The following CTNNA2 variants were observed in gnomAD, a reference collection of about 807,000 sequenced individuals.
CTNNA2 encodes the protein catenin alpha 2, also known as catenin alpha-2.
CTNNA2 carries 42 observed loss-of-function variants against 101.0 expected under a neutral mutation model. The observed-to-expected ratio is 0.42, with a 90% CI of 0.32 to 0.54. CTNNA2 has a LOEUF of 0.54. Among genes scored for constraint, CTNNA2 ranks in the 20% least tolerant of loss-of-function variants. The pLI, the probability that CTNNA2 is intolerant of heterozygous loss-of-function variation, is 0.14. For synonymous variants in CTNNA2, 450 were observed against 456.4 expected (o/e 0.99, Z 0.18); for missense variants, 871 against 1,223.1 (o/e 0.71, Z 4.29).
intron 3 of CTNNA2, among the ~76,000 whole-genome samples, chr2:79,750,582 G>A (rs1671957418): frequency 6.6e-6 from 1 of 152,204 alleles, no homozygotes; most frequent in African/African-American, 2.4e-5. Flanking sequence ...GTAGGTAAGG[G>A]CCGGGCGTGG....
chr2:79,786,739 C>T (rs755159654), intron 3 of CTNNA2, among the ~76,000 whole-genome samples: 5 of 152,222 alleles, frequency 3.3e-5, no homozygotes, highest in East Asian at 3.9e-4. Context: ...GCAACAATTT[C>T]TTATAAGTAC....
rs193149269 is a variant in CTNNA2 at position 80,466,655 on chromosome 2, A to G, written c.1290+47054A>G. 1.2e-3 allele frequency among the ~76,000 whole-genome samples: 185 copies of G among 152,350 alleles called. 1 individual carries two copies. The highest frequency in any genetic ancestry group is 4.3e-3 in the African/African-American group (178 of 41,586). ...ATTTGCAATGTTCACAAACAGATGGAAAAACTACATTTGATTGATACATGA... is the reference window on the plus strand; with the variant it reads ...ATTTGCAATGTTCACAAACAGATGGGAAAACTACATTTGATTGATACATGA... On this transcript the variant is annotated intron_variant, in intron 9 of 18. Transcript: ENST00000402739.
intron 2 of CTNNA2, among the ~76,000 whole-genome samples, chr2:79,260,226 A>C (rs764553499): frequency 2.6e-5 from 4 of 152,124 alleles, no homozygotes; most frequent in Non-Finnish European, 5.9e-5. Context: ...CCTCATTACT[A>C]TCAGCTCAAG....
At chr2:79,259,966 A>G (rs1674899055) in intron 2 of CTNNA2, among the ~76,000 whole-genome samples, 1 of 152,188 alleles carries the variant, frequency 6.6e-6, no homozygotes, top group Non-Finnish European at 1.5e-5. Context: ...CCAAAATGAG[A>G]AAGTAAAGAT....
intron 1 of CTNNA2, among the ~76,000 whole-genome samples, chr2:79,533,459 A>G (rs906263347): frequency 6.6e-6 from 1 of 152,168 alleles, no homozygotes; most frequent in Non-Finnish European, 1.5e-5. Context: ...TATCAATTTT[A>G]CAGTATCTAA....
chr2:79,807,281 C>G (rs1676652519), intron 3 of CTNNA2, among the ~76,000 whole-genome samples: 1 of 152,030 alleles, frequency 6.6e-6, no homozygotes, highest in South Asian at 2.1e-4. Context: ...CCTTGTTTCC[C>G]AAAAAGACAA....
At chr2:79,742,627 G>T (rs1457892698) in intron 2 of CTNNA2, among the ~76,000 whole-genome samples, 1 of 152,162 alleles carries the variant, frequency 6.6e-6, no homozygotes, top group Non-Finnish European at 1.5e-5. Flanking sequence ...AGCAATCTTT[G>T]TGACAAGCTG....
At chr2:80,174,075 A>G (rs144752988) in intron 7 of CTNNA2, among the ~76,000 whole-genome samples, 1 of 152,172 alleles carries the variant, frequency 6.6e-6, no homozygotes, top group Non-Finnish European at 1.5e-5. Context: ...TGAGTGGCAC[A>G]TGCACTGTGC....
intron 13 of CTNNA2, among the ~76,000 whole-genome samples, chr2:80,576,874 G>A (rs1157248257): frequency 3.3e-5 from 5 of 151,918 alleles, no homozygotes; most frequent in African/African-American, 1.2e-4. Context: ...GCTGTGGGAG[G>A]AGAATTGCTT....
At chr2:79,687,266 C>A (rs1290960633) in intron 2 of CTNNA2, among the ~76,000 whole-genome samples, 1 of 152,014 alleles carries the variant, frequency 6.6e-6, no homozygotes, top group East Asian at 1.9e-4. Context: ...TAAATTTTAG[C>A]TTAATTCTGA....
intron 7 of CTNNA2, among the ~76,000 whole-genome samples, chr2:80,149,806 A>T (rs1174806384): frequency 6.7e-6 from 1 of 148,768 alleles, no homozygotes; most frequent in African/African-American, 2.6e-5. Flanking sequence ...ACACACACAC[A>T]CACACACACA....
intron 3 of CTNNA2, among the ~76,000 whole-genome samples, chr2:79,779,185 G>A (rs1294254103): frequency 6.6e-6 from 1 of 151,726 alleles, no homozygotes; most frequent in Non-Finnish European, 1.5e-5. Flanking sequence ...CTTTTTAATG[G>A]GGAAAAAATA....
intron 7 of CTNNA2, among the ~76,000 whole-genome samples, chr2:79,975,039 C>T (rs1052683294): frequency 2.0e-5 from 3 of 152,262 alleles, no homozygotes; most frequent in East Asian, 3.9e-4. Context: ...GCTTGGAACA[C>T]GGTGAATGAG....
chr2:79,233,381 T>G (rs1674519603), intron 2 of CTNNA2, among the ~76,000 whole-genome samples: 1 of 152,224 alleles, frequency 6.6e-6, no homozygotes, highest in African/African-American at 2.4e-5. Flanking sequence ...TTCTTATTAT[T>G]GATTTCTATT....
intron 4 of CTNNA2, among the ~76,000 whole-genome samples, chr2:79,383,021 G>T (rs1678057660): frequency 6.6e-6 from 1 of 152,296 alleles, no homozygotes; most frequent in South Asian, 2.1e-4. Flanking sequence ...CACATTGAGA[G>T]GTTGCGCTCA....
intron 1 of CTNNA2, among the ~76,000 whole-genome samples, chr2:79,605,732 C>T (rs576298163): frequency 3.0e-4 from 45 of 151,976 alleles, no homozygotes; most frequent in Non-Finnish European, 4.3e-4. Context: ...TGTAAGACAC[C>T]ATCTCTACAA....
intron 7 of CTNNA2, among the ~76,000 whole-genome samples, chr2:80,248,238 G>A (rs1341192935): frequency 6.6e-6 from 1 of 152,126 alleles, no homozygotes; most frequent in Admixed American, 6.5e-5. Context: ...CGGTTAGCAA[G>A]CTTTTGTCAA....
chr2:79,245,514 C>T (rs185937773), intron 2 of CTNNA2, among the ~76,000 whole-genome samples: 82 of 152,302 alleles, frequency 5.4e-4, no homozygotes, highest in Non-Finnish European at 9.4e-4. Flanking sequence ...AGTCTGTGAG[C>T]TCTGCACCTT....
intron 7 of CTNNA2, among the ~76,000 whole-genome samples, chr2:80,202,377 T>C (rs190179288): frequency 1.2e-4 from 19 of 152,218 alleles, no homozygotes; most frequent in Admixed American, 1.2e-3. Flanking sequence ...CAGGCAACCA[T>C]ACAGATTAGA....
Sources: gnomAD v4.1 joint callset for allele counts (sites outside exome capture counted in the v4.1 genomes callset) on GRCh38, gnomAD v4.1.1 for gene constraint, MANE v1.5 for transcripts, NCBI Gene and HGNC (gene_info 2026-07-23, HGNC 2026-07-21) for gene names.